MYLK3: variants seen among roughly 807,000 people sequenced by gnomAD.
The protein encoded by MYLK3 is myosin light chain kinase 3.
In MYLK3, 55 loss-of-function variants were observed where a neutral mutation model predicts 76.3. The ratio of observed to expected loss-of-function variants is 0.72; its 90% CI spans 0.58 to 0.90. MYLK3 has a LOEUF of 0.90. Among genes scored for constraint, MYLK3 ranks in the 40% least tolerant of loss-of-function variants. The probability of loss-of-function intolerance (pLI) is 0.00; values close to 1 mark genes in which losing one functional copy is unlikely to be tolerated. For synonymous variants in MYLK3, 416 were observed against 425.4 expected (o/e 0.98, Z 0.27); for missense variants, 973 against 1,053.6 (o/e 0.92, Z 1.06).
intron 9 of MYLK3, among the ~76,000 whole-genome samples, chr16:46,715,365 GGTTT>G (rs1966725920): frequency 6.6e-6 from 1 of 152,110 alleles, no homozygotes; most frequent in Admixed American, 6.5e-5. Flanking sequence ...GTTTTGGGGT[GGTTT>G]GTTACACAGC....
At chr16:46,713,031 T>C (rs190239920) in intron 9 of MYLK3, among the ~76,000 whole-genome samples, 1 of 152,230 alleles carries the variant, frequency 6.6e-6, no homozygotes, top group Admixed American at 6.5e-5. Flanking sequence ...CTTTCAGTAG[T>C]CAAATTTATG....
In MYLK3 at chr16:46,721,182, T is replaced by C. The variant is rs368567521; in HGVS notation, c.1926A>G (p.Ile642Met). 7.4e-6 allele frequency: 12 copies of C among 1,614,160 alleles called. No homozygotes were observed. The African/African-American group carries it at 1.3e-4, about 18-fold the overall frequency. ...GATGTCCTGTCTGATTGACGCACAA[T>C]ATGTTCTCCGGCTGGGAAAGAAAGA... ...ILHLDLKPEN[I>M]LCVNQTGHQI... The change falls in exon 9 of 13, where the codon ATA becomes ATG. Residue 642 changes from isoleucine to methionine, a missense_variant. Ile to Met is a conservative substitution (Grantham distance 10). This residue lies in a region of MYLK3 where 332 missense variants were observed against 416.6 expected (regional missense o/e 0.80). Coordinates refer to ENST00000394809, the MANE Select transcript of MYLK3 (RefSeq NM_182493.3).
At position 46,729,670 on chromosome 16, in the gene MYLK3, A is replaced by C; in HGVS notation, c.1586T>G (p.Val529Gly). ...EVLGGGRFGQ[V>G]HRCTEKSTGL... ...TGTGGACTTCTCTGTGCACCTGTGGACCTGGCCAAACCGACCCCTGCAGAG... is the reference window on the plus strand; with the variant it reads ...TGTGGACTTCTCTGTGCACCTGTGGCCCTGGCCAAACCGACCCCTGCAGAG... The change falls in exon 6 of 13, where the codon GTC becomes GGC. Residue 529 changes from valine to glycine, a missense_variant. Val to Gly is a moderately radical substitution (Grantham distance 109, BLOSUM62 -3). Transcript: ENST00000394809. 1 of 1,613,564 alleles carries C rather than the reference A, an allele frequency of 6.2e-7. No individual in the cohort carries two copies.
intron 8 of MYLK3, among the ~76,000 whole-genome samples, chr16:46,723,633 C>T (rs1036269135): frequency 6.7e-6 from 1 of 149,042 alleles, no homozygotes; most frequent in Non-Finnish European, 1.5e-5. Flanking sequence ...TCCAATTTTC[C>T]CATATCCTAG....
intron 9 of MYLK3, among the ~76,000 whole-genome samples, chr16:46,713,871 C>T (rs1418560447): frequency 6.6e-6 from 1 of 152,182 alleles, no homozygotes; most frequent in African/African-American, 2.4e-5. Context: ...AACATAATGC[C>T]CTACAGGGTC....
At chr16:46,745,660 C>T (rs1235212837) in intron 1 of MYLK3, among the ~76,000 whole-genome samples, 2 of 152,078 alleles carry the variant, frequency 1.3e-5, no homozygotes, top group Admixed American at 6.6e-5. Flanking sequence ...ACAGGAGAAT[C>T]GCTTGAACCC....
At chr16:46,763,033 T>C in intron 1 of MYLK3, 1 of 985,480 alleles carries the variant, frequency 1.0e-6, no homozygotes. Context: ...TCACTGCACT[T>C]ACATACCACT....
chr16:46,721,040 G>T, intron 9 of MYLK3, 83 bp downstream of exon 9: 1 of 1,227,052 alleles, frequency 8.1e-7, no homozygotes, highest in Non-Finnish European at 1.2e-6. Context: ...TCAAGCATTA[G>T]CTGGGTCAGG....
chr16:46,725,423 A>C (rs1258116870), intron 8 of MYLK3, among the ~76,000 whole-genome samples: 1 of 152,184 alleles, frequency 6.6e-6, no homozygotes, highest in Non-Finnish European at 1.5e-5. Flanking sequence ...GTTTTTCACA[A>C]ATGGCCGTTA....
intron 9 of MYLK3, among the ~76,000 whole-genome samples, chr16:46,716,174 T>G (rs1019469909): frequency 1.3e-5 from 2 of 152,096 alleles, no homozygotes; most frequent in Non-Finnish European, 2.9e-5. Flanking sequence ...TGCTCTTACA[T>G]GTGGCACCAT....
At chr16:46,742,496 A>G (rs1419140195) in intron 1 of MYLK3, among the ~76,000 whole-genome samples, 2 of 151,808 alleles carry the variant, frequency 1.3e-5, no homozygotes, top group African/African-American at 4.9e-5. Flanking sequence ...ACACACAGAA[A>G]AAAACCTGAA....
intron 8 of MYLK3, among the ~76,000 whole-genome samples, chr16:46,724,599 T>C (rs556043130): frequency 6.6e-6 from 1 of 152,366 alleles, no homozygotes; most frequent in South Asian, 2.1e-4. Flanking sequence ...CACAAATCAA[T>C]TGACCATAAA....
At chr16:46,728,491 C>T (rs1385237418) in intron 7 of MYLK3, among the ~76,000 whole-genome samples, 3 of 152,128 alleles carry the variant, frequency 2.0e-5, no homozygotes, top group Admixed American at 6.5e-5. Context: ...GAAGCTGAGG[C>T]AGAAGTATCA....
At chr16:46,731,984 C>T (rs1013469311) in intron 4 of MYLK3, among the ~76,000 whole-genome samples, 1 of 152,110 alleles carries the variant, frequency 6.6e-6, no homozygotes, top group Non-Finnish European at 1.5e-5. Flanking sequence ...GTGGGCCACA[C>T]GTGTCCCCTC....
rs1427668468 is a variant in MYLK3, at chr16:46,729,069, T to C, written c.1727A>G (p.Tyr576Cys). 6.2e-7 allele frequency: 1 copy of C among 1,614,166 alleles called. No individual in the cohort carries two copies. The highest frequency in any genetic ancestry group is 1.7e-5 in the Admixed American group (1 of 60,022). Residue 576 changes from tyrosine to cysteine, a missense_variant, in exon 7 of 13, where the codon TAT becomes TGT. Coordinates refer to ENST00000394809, the MANE Select transcript of MYLK3 (RefSeq NM_182493.3). ...GCTGTGCTTGCTCTCGAAGGCGTCA[T>C]AGAGCTGGATCAGGTTCACGTGGCT... is the stretch of plus-strand genomic sequence containing the variant. ...QLSHVNLIQL[Y>C]DAFESKHSCT...
chr16:46,723,106 A>G (rs1019424776), intron 8 of MYLK3, among the ~76,000 whole-genome samples: 1 of 152,062 alleles, frequency 6.6e-6, no homozygotes, highest in Non-Finnish European at 1.5e-5. Flanking sequence ...CAAAAAAAAA[A>G]CAAAACCATA....
chr16:46,717,657 G>C (rs1045067747), intron 9 of MYLK3, among the ~76,000 whole-genome samples: 2 of 151,970 alleles, frequency 1.3e-5, no homozygotes, highest in Non-Finnish European at 2.9e-5. Context: ...CGGGAGTCCT[G>C]AGTGCCTCTC....
intron 1 of MYLK3, among the ~76,000 whole-genome samples, chr16:46,759,644 A>AT (rs1009732921): frequency 6.4e-5 from 9 of 141,416 alleles, no homozygotes; most frequent in Admixed American, 4.2e-4. Flanking sequence ...TTTTTTTTTA[A>AT]TTTTTTTTAT....
intron 1 of MYLK3, among the ~76,000 whole-genome samples, chr16:46,740,552 T>TA (rs56281590): frequency 0.55 from 48,456 of 88,886 alleles, 10,895 homozygotes; most frequent in Middle Eastern, 0.62. Flanking sequence ...TATATATATA[T>TA]TTTTTTTTTT....
Sources: gnomAD v4.1 joint callset for allele counts (sites outside exome capture counted in the v4.1 genomes callset) on GRCh38, gnomAD v4.1.1 for gene constraint, gnomAD v4.1.1 regional missense constraint, MANE v1.5 for transcripts, NCBI Gene and HGNC (gene_info 2026-07-23, HGNC 2026-07-21) for gene names.